The following COLQ variants were observed in gnomAD, a reference collection of about 807,000 sequenced individuals.
COLQ encodes collagen like tail subunit of asymmetric acetylcholinesterase.
COLQ carries 48 observed loss-of-function variants against 69.0 expected under a neutral mutation model. That is an observed-to-expected ratio of 0.70 (90% confidence interval 0.55 to 0.88). COLQ has a LOEUF of 0.88. Among genes scored for constraint, COLQ ranks in the 40% least tolerant of loss-of-function variants. The pLI is 0.00. For synonymous variants in COLQ, 217 were observed against 211.2 expected, an observed-to-expected ratio of 1.03 and a Z score of -0.24; for missense variants, 618 against 594.6, an observed-to-expected ratio of 1.04 and a Z score of -0.41.
chr3:15,500,483 T>C (rs572455968), intron 1 of COLQ, among the ~76,000 whole-genome samples: 196 of 152,358 alleles, frequency 1.3e-3, no homozygotes, highest in African/African-American at 4.2e-3. Flanking sequence ...AAACTTTTTC[T>C]AAAAAGGTTT....
intron 1 of COLQ, among the ~76,000 whole-genome samples, chr3:15,498,153 AAGCCAAGGTACCAGCTGCC>A (rs1320235690): frequency 6.6e-6 from 1 of 152,068 alleles, no homozygotes; most frequent in African/African-American, 2.4e-5. Flanking sequence ...TTTTACTTCA[AAGCCAAGGTACCAGCTGCC>A]AGCCAAGGTA....
chr3:15,466,038 G>T (rs966590100), intron 12 of COLQ, among the ~76,000 whole-genome samples: 1 of 152,182 alleles, frequency 6.6e-6, no homozygotes, highest in Non-Finnish European at 1.5e-5. Context: ...CTAGAAAAAG[G>T]TATTAGTTGA....
intron 1 of COLQ, among the ~76,000 whole-genome samples, chr3:15,509,225 C>T (rs2062951962): frequency 6.6e-6 from 1 of 152,202 alleles, no homozygotes; most frequent in South Asian, 2.1e-4. Context: ...AGGACCTGCA[C>T]TAGGCAGGCC....
intron 12 of COLQ, among the ~76,000 whole-genome samples, chr3:15,463,818 C>A (rs759385259): frequency 6.6e-6 from 1 of 152,104 alleles, no homozygotes; most frequent in Non-Finnish European, 1.5e-5. Context: ...TTGAAAGGAC[C>A]CCCATTCAGA....
At chr3:15,503,683 A>G (rs2062863788) in intron 1 of COLQ, among the ~76,000 whole-genome samples, 1 of 152,090 alleles carries the variant, frequency 6.6e-6, no homozygotes, top group African/African-American at 2.4e-5. Flanking sequence ...TAGTACTGTC[A>G]TCCTCATTTT....
chr3:15,457,113 C>T (rs568754558), intron 13 of COLQ, among the ~76,000 whole-genome samples: 5 of 152,042 alleles, frequency 3.3e-5, no homozygotes, highest in Non-Finnish European at 7.4e-5. Flanking sequence ...CATGAGCCAC[C>T]GCGCCCGGCC....
chr3:15,515,637 G>A (rs773593891), intron 1 of COLQ, among the ~76,000 whole-genome samples: 7 of 151,984 alleles, frequency 4.6e-5, no homozygotes, highest in Admixed American at 4.6e-4. Context: ...GTGAAACCCC[G>A]TCTCTACTAA....
rs73816249 is a variant in COLQ, at chr3:15,521,281, C to A, written c.106+239G>T. 0.041 allele frequency among the ~76,000 whole-genome samples: 6,299 copies of A among 152,210 alleles called. 414 individuals are homozygous for A. Among genetic ancestry groups the A allele is most frequent in the African/African-American group, 0.14 (5,833 of 41,492 alleles). On this transcript the variant is annotated intron_variant, in intron 1 of 16. Transcript: ENST00000383788. ...ATGGGGAGAATAGGGGAGGCAGAAACCATTTTTCAAAGTGTCTCTGCTTTG... is the reference window on the plus strand; with the variant it reads ...ATGGGGAGAATAGGGGAGGCAGAAAACATTTTTCAAAGTGTCTCTGCTTTG...
intron 12 of COLQ, among the ~76,000 whole-genome samples, chr3:15,459,347 G>A (rs1177780072): frequency 2.0e-5 from 3 of 151,996 alleles, no homozygotes; most frequent in Non-Finnish European, 2.9e-5. Flanking sequence ...GTTTTTAAAG[G>A]CTCTGATACC....
intron 1 of COLQ, among the ~76,000 whole-genome samples, chr3:15,512,013 C>T (rs2062993355): frequency 1.3e-5 from 2 of 152,198 alleles, no homozygotes; most frequent in Admixed American, 6.5e-5. Flanking sequence ...CGCCCCATTC[C>T]CTGTCTTCCC....
intron 3 of COLQ, among the ~76,000 whole-genome samples, chr3:15,487,197 G>C (rs2062588738): frequency 6.6e-6 from 1 of 152,174 alleles, no homozygotes; most frequent in Non-Finnish European, 1.5e-5. Flanking sequence ...TGAGTGGGTG[G>C]TAGAAGAAGG....
chr3:15,508,245 T>C (rs1487948053), intron 1 of COLQ, among the ~76,000 whole-genome samples: 2 of 152,218 alleles, frequency 1.3e-5, no homozygotes, highest in African/African-American at 4.8e-5. Context: ...TAAACTACCT[T>C]AGGTAGCCTG....
At position 15,466,388 on chromosome 3, in the gene COLQ, G is replaced by A. The variant is rs762151906; in HGVS notation, c.767C>T (p.Pro256Leu). The change falls in exon 12 of 17, where the codon CCT becomes CTT. Residue 256 changes from proline (P) to leucine (L), a missense_variant. Transcript: ENST00000383788. ...CCCCGGACGGCCAGGTTGACCAGAA[G>A]GCCCAGGCTTGCCTGGTGGGCCCAT... ...GVMGPPGKPG[P>L]SGQPGRPGPP... is the part of the protein sequence containing the mutation. 23 of 1,614,044 alleles carry A rather than the reference G, an allele frequency of 1.4e-5. No homozygotes were observed. Among genetic ancestry groups the A allele is most frequent in the African/African-American group, 2.7e-5 (2 of 74,956 alleles).
chr3:15,496,657 C>T (rs373036467), intron 1 of COLQ, among the ~76,000 whole-genome samples: 5 of 152,204 alleles, frequency 3.3e-5, no homozygotes, highest in Admixed American at 6.5e-5. Context: ...ACTTCAGGAC[C>T]GCATGTCCCA....
At chr3:15,459,921 C>T (rs2062083142) in intron 12 of COLQ, among the ~76,000 whole-genome samples, 1 of 151,944 alleles carries the variant, frequency 6.6e-6, no homozygotes, top group African/African-American at 2.4e-5. Flanking sequence ...CCAATTTGCC[C>T]CAAGGTTGAG....
chr3:15,504,231 G>A (rs192726819), intron 1 of COLQ, among the ~76,000 whole-genome samples: 9 of 152,312 alleles, frequency 5.9e-5, no homozygotes, highest in East Asian at 1.9e-4. Context: ...GAATCGCTGC[G>A]GTTCGTGTAT....
At chr3:15,513,399 C>G (rs1433990330) in intron 1 of COLQ, among the ~76,000 whole-genome samples, 1 of 152,176 alleles carries the variant, frequency 6.6e-6, no homozygotes. Context: ...ACTACAGAGT[C>G]TTGTGTCTAT....
At chr3:15,455,222 C>A (rs977238721) in intron 15 of COLQ, among the ~76,000 whole-genome samples, 4 of 152,196 alleles carry the variant, frequency 2.6e-5, no homozygotes, top group African/African-American at 9.7e-5. Flanking sequence ...AATTGCCCCC[C>A]ATTACCCCAC....
chr3:15,496,070 T>C (rs1473626669), intron 1 of COLQ, among the ~76,000 whole-genome samples: 1 of 152,214 alleles, frequency 6.6e-6, no homozygotes. Context: ...GCACCCTGTG[T>C]GGCCTTCCAC....
Sources: allele counts gnomAD v4.1 joint callset (sites outside exome capture counted in the v4.1 genomes callset), GRCh38; gene constraint gnomAD v4.1.1; transcripts MANE v1.5; gene names NCBI Gene and HGNC (gene_info 2026-07-23, HGNC 2026-07-21).